The following UNC13B variants were observed in gnomAD, a reference collection of about 807,000 sequenced individuals.
UNC13B encodes the protein unc-13 homolog B.
UNC13B carries 144 observed loss-of-function variants against 211.0 expected under a neutral mutation model. The ratio of observed to expected loss-of-function variants is 0.68; its 90% CI spans 0.60 to 0.78. UNC13B has a LOEUF of 0.78. Among genes scored for constraint, UNC13B ranks in the 30% least tolerant of loss-of-function variants. The pLI, the probability that UNC13B is intolerant of heterozygous loss-of-function variation, is 0.00. For synonymous variants in UNC13B, 709 were observed against 725.8 expected (o/e 0.98, Z 0.37); for missense variants, 1,777 against 2,002.0 (o/e 0.89, Z 2.14).
In UNC13B at chr9:35,305,064, C is replaced by T; in HGVS notation, c.5660C>T (p.Pro1887Leu). The part of the protein sequence containing the change: ...IITTDSISVS[P>L]APQHSGDERE... The stretch of plus-strand genomic sequence containing the variant: ...ACAACAGACTCTATTTCAGTTTCTC[C>T]TGCACCTCAGCATAGTGGGGATGAG... Residue 1887 changes from proline to leucine, a missense_variant, in exon 9 of 40, where the codon CCT (proline) becomes CTT (leucine). By Grantham distance (98) the Pro-to-Leu change is moderately conservative. Transcript: ENST00000635942. The T allele has an allele frequency of 2.5e-6, 1 of 398,952 alleles. No individual in the cohort carries two copies. Among genetic ancestry groups the T allele is most frequent in the Admixed American group, 4.4e-5 (1 of 22,722 alleles). The allele number at this position is 398,952 out of a possible 1,614,324, so 24.7% of individuals were successfully genotyped here.
rs565460451 is a variant in UNC13B, at chr9:35,312,131, C to T, written c.9323+1350C>T. Among the ~76,000 whole-genome samples, 11 of 152,226 alleles carry T rather than the reference C, an allele frequency of 7.2e-5. No homozygotes were observed. The East Asian group carries it at 1.7e-3, about 24-fold the overall frequency. On this transcript the variant is annotated intron_variant, in intron 10 of 39. Coordinates refer to ENST00000635942, the MANE Select transcript of UNC13B (RefSeq NM_001371189.2). ...ATTTCCCCTGGCGGGGACAGTTGCC[C>T]ACTGGGGTAGAGTGATAAGGGATGG...
intron 7 of UNC13B, among the ~76,000 whole-genome samples, chr9:35,294,974 A>G (rs979477498): frequency 6.6e-6 from 1 of 152,250 alleles, no homozygotes; most frequent in African/African-American, 2.4e-5. Flanking sequence ...ATTGTCAGCA[A>G]GATCCCATTG....
chr9:35,174,250 A>G (rs1239257816), intron 1 of UNC13B, among the ~76,000 whole-genome samples: 1 of 150,108 alleles, frequency 6.7e-6, no homozygotes, highest in Non-Finnish European at 1.5e-5. Flanking sequence ...CTCAACTTCC[A>G]GGGCTCAGGT....
intron 11 of UNC13B, among the ~76,000 whole-genome samples, chr9:35,365,275 T>A (rs931478432): frequency 2.6e-5 from 4 of 152,238 alleles, no homozygotes; most frequent in African/African-American, 9.6e-5. Flanking sequence ...CACTGAATAC[T>A]CTGAAGCTTA....
In UNC13B at chr9:35,306,996, C is replaced by T; in HGVS notation, c.7592C>T (p.Thr2531Ile). Residue 2531 changes from threonine to isoleucine, a missense_variant, in exon 9 of 40, where the codon ACT (threonine) becomes ATT (isoleucine). Coordinates refer to ENST00000635942, the MANE Select transcript of UNC13B (RefSeq NM_001371189.2). ...PYKQESSLPA[T>I]SWLQNGCSRD... ...AAACAAGAATCATCTCTCCCAGCTA[C>T]TTCATGGCTTCAAAATGGTTGTTCC... 2 of 399,036 alleles carry T rather than the reference C, an allele frequency of 5.0e-6. No individual in the cohort carries two copies. Among genetic ancestry groups the T allele is most frequent in the Non-Finnish European group, 8.8e-6 (2 of 226,080 alleles). The allele number at this position is 399,036 out of a possible 1,614,324, so 24.7% of individuals were successfully genotyped here.
At chr9:35,163,326 T>C (rs1209157007) in intron 1 of UNC13B, among the ~76,000 whole-genome samples, 3 of 152,218 alleles carry the variant, frequency 2.0e-5, no homozygotes, top group African/African-American at 7.2e-5. Flanking sequence ...GCATTGTTGT[T>C]GTTTGTGATT....
chr9:35,364,679 G>A (rs1216369121), intron 11 of UNC13B: 10 of 1,205,678 alleles, frequency 8.3e-6, no homozygotes, highest in South Asian at 1.6e-5. Flanking sequence ...GCACATGTGC[G>A]TGCATGATCT....
At chr9:35,397,388 C>A in intron 29 of UNC13B, 78 bp downstream of exon 29, 1 of 1,578,648 alleles carries the variant, frequency 6.3e-7, no homozygotes, top group Non-Finnish European at 8.6e-7. Context: ...AGCTCAGCAC[C>A]TCTCCACTGT....
chr9:35,245,967 A>G (rs1248237310), intron 6 of UNC13B, among the ~76,000 whole-genome samples: 1 of 152,172 alleles, frequency 6.6e-6, no homozygotes, highest in Non-Finnish European at 1.5e-5. Flanking sequence ...AGTCCCACCA[A>G]CAGTGTAAAA....
At chr9:35,170,426 A>G (rs139083441) in intron 1 of UNC13B, among the ~76,000 whole-genome samples, 1,829 of 151,974 alleles carry the variant, frequency 0.012, 41 homozygotes, top group African/African-American at 0.042. Context: ...GCGGCCTCCC[A>G]AAGTGTTGGG....
At chr9:35,376,375 A>G in intron 15 of UNC13B, 128 bp downstream of exon 15, 2 of 932,666 alleles carry the variant, frequency 2.1e-6, no homozygotes. Context: ...AACCCTATCC[A>G]TTTCAGAGAA....
chr9:35,227,731 G>T lies in UNC13B; in HGVS notation c.23-284G>T, dbSNP rs1824936168. ...TAAACTTTCAGAAGATATCTCACATGAAACTGGCTGCCTGCCACAGGAGTA... is the reference window on the plus strand; with the variant it reads ...TAAACTTTCAGAAGATATCTCACATTAAACTGGCTGCCTGCCACAGGAGTA... On this transcript the variant is annotated intron_variant, in intron 1 of 39. Coordinates refer to ENST00000635942, the MANE Select transcript of UNC13B (RefSeq NM_001371189.2). The T allele has an allele frequency of 8.8e-6, 3 of 339,426 alleles. No homozygotes were observed. The East Asian group carries it at 1.5e-4, about 17-fold the overall frequency. The allele number at this position is 339,426 out of a possible 1,614,324, so 21.0% of individuals were successfully genotyped here.
chr9:35,386,915 T>C (rs1835227779), intron 24 of UNC13B, among the ~76,000 whole-genome samples: 1 of 152,202 alleles, frequency 6.6e-6, no homozygotes. Flanking sequence ...TCCCAACTTA[T>C]TTGAAAGCCA....
At chr9:35,326,776 T>A (rs1416131413) in intron 11 of UNC13B, among the ~76,000 whole-genome samples, 1 of 152,208 alleles carries the variant, frequency 6.6e-6, no homozygotes, top group Non-Finnish European at 1.5e-5. Flanking sequence ...ATTAAAGATA[T>A]GTAAATATGA....
intron 3 of UNC13B, 111 bp downstream of exon 3, chr9:35,231,330 T>C: frequency 8.3e-6 from 6 of 719,502 alleles, no homozygotes. Flanking sequence ...TTATAAAATG[T>C]ACTGGCACTG....
intron 1 of UNC13B, among the ~76,000 whole-genome samples, chr9:35,215,545 A>G: frequency 6.6e-6 from 1 of 152,256 alleles, no homozygotes; most frequent in Non-Finnish European, 1.5e-5. Flanking sequence ...GATTGTAGTT[A>G]AAGTAGTCTA....
chr9:35,309,856 C>T (rs1314853507), intron 9 of UNC13B, among the ~76,000 whole-genome samples: 1 of 152,152 alleles, frequency 6.6e-6, no homozygotes, highest in Non-Finnish European at 1.5e-5. Flanking sequence ...TGAGACCATT[C>T]GTTTGTGTAT....
At chr9:35,184,739 CGAAAGAAAGAAA>C (rs36190549) in intron 1 of UNC13B, among the ~76,000 whole-genome samples, 1 of 94,494 alleles carries the variant, frequency 1.1e-5, no homozygotes, top group Non-Finnish European at 2.0e-5. Flanking sequence ...GAGAGGGAGA[CGAAAGAAAGAAA>C]GAAAGAAAGG....
rs113515478 is a variant in UNC13B at position 35,370,029 on chromosome 9, C to T, written c.9462-289C>T. Among the ~76,000 whole-genome samples the T allele has an allele frequency of 5.5e-3, 839 of 152,292 alleles. 4 individuals are homozygous for T. Among genetic ancestry groups the T allele is most frequent in the Non-Finnish European group, 9.1e-3 (622 of 68,028 alleles). ...CTTGCCTTATGGAGCATAAAAGTGC[C>T]TTCAAATAAATAGAAATGCCTTGAA... On this transcript the variant is annotated intron_variant, in intron 12 of 39. Transcript: ENST00000635942.
Sources: allele counts gnomAD v4.1 joint callset (sites outside exome capture counted in the v4.1 genomes callset), GRCh38; gene constraint gnomAD v4.1.1; transcripts MANE v1.5; gene names NCBI Gene and HGNC (gene_info 2026-07-23, HGNC 2026-07-21).